The following KIFAP3 variants were observed in gnomAD, a reference collection of about 807,000 sequenced individuals.
KIFAP3 encodes kinesin-associated protein 3.
Under a neutral mutation model 106.5 loss-of-function variants are expected in KIFAP3, and 68 were observed. That is an observed-to-expected ratio of 0.64 (90% confidence interval 0.53 to 0.78). The LOEUF is 0.78. Ranked by LOEUF, KIFAP3 falls within the 30% of genes least tolerant of loss-of-function variation. KIFAP3 has a pLI of 0.00. For missense variants in KIFAP3, 780 were observed against 941.8 expected (o/e 0.83, Z 2.25); for synonymous variants, 320 against 311.5 (o/e 1.03, Z -0.29).
At chr1:169,946,101 T>C (rs1300608987) in intron 19 of KIFAP3, among the ~76,000 whole-genome samples, 2 of 152,208 alleles carry the variant, frequency 1.3e-5, no homozygotes, top group Admixed American at 6.5e-5. Context: ...CAAATGAATT[T>C]TGCATTTTAA....
At chr1:170,008,307 G>T (rs540685407) in intron 10 of KIFAP3, among the ~76,000 whole-genome samples, 6 of 151,678 alleles carry the variant, frequency 4.0e-5, no homozygotes, top group Non-Finnish European at 7.4e-5. Context: ...TACAGCAAAA[G>T]AAACTATCAT....
intron 3 of KIFAP3, chr1:170,041,945 C>T (rs1417735379): frequency 9.1e-7 from 1 of 1,102,464 alleles, no homozygotes; most frequent in Middle Eastern, 3.3e-4. Context: ...AGTTATGAAA[C>T]CTGGTTTTAG....
intron 10 of KIFAP3, among the ~76,000 whole-genome samples, chr1:169,992,987 A>C (rs1667174793): frequency 1.3e-5 from 2 of 152,260 alleles, no homozygotes; most frequent in African/African-American, 4.8e-5. Flanking sequence ...CCTAACTAAA[A>C]ATTTTATCCA....
intron 10 of KIFAP3, among the ~76,000 whole-genome samples, chr1:170,002,436 A>C (rs140123178): frequency 6.6e-5 from 10 of 152,326 alleles, no homozygotes; most frequent in African/African-American, 2.4e-4. Flanking sequence ...TATTCACATA[A>C]AATTGTGAAA....
chr1:169,997,680 G>A (rs1161888183), intron 10 of KIFAP3, among the ~76,000 whole-genome samples: 2 of 151,878 alleles, frequency 1.3e-5, no homozygotes, highest in Non-Finnish European at 2.9e-5. Context: ...AGACCAGCCT[G>A]GCCACCATGA....
At chr1:169,969,767 G>C (rs1459716053) in intron 17 of KIFAP3, among the ~76,000 whole-genome samples, 1 of 151,866 alleles carries the variant, frequency 6.6e-6, no homozygotes, top group African/African-American at 2.4e-5. Context: ...AAATAATCTA[G>C]TGATAGGCCA....
rs529802502 is a variant in KIFAP3, at chr1:169,992,119, G to A, written c.1284+36C>T. On this transcript the variant is annotated intron_variant, in intron 11 of 19. Coordinates refer to ENST00000361580, the MANE Select transcript of KIFAP3 (RefSeq NM_014970.4). ...AAAAGAGTAAAAAATATATATATTT[G>A]TTAAATGTTTTTCATAAAACACTTA... 4.0e-6 allele frequency: 4 copies of A among 996,898 alleles called. No individual in the cohort carries two copies. In the African/African-American group the frequency reaches 6.8e-5, roughly 17 times the overall value. 61.8% of individuals were successfully genotyped at this position (996,898 alleles called of 1,614,324 possible).
In KIFAP3 at chr1:170,080,149, T is replaced by G. The variant is rs922892701; in HGVS notation, n.174+4886A>C. Among the ~76,000 whole-genome samples the G allele has an allele frequency of 5.9e-5, 9 of 151,914 alleles. No homozygotes were observed. In the South Asian group the frequency reaches 1.0e-3, roughly 17 times the overall value. ...GCAATGAAAAATTGAAAAATAAAAT[T>G]TATAAACACCATTGATAATACCACC... On this transcript the variant is annotated intron_variant and non_coding_transcript_variant, in intron 1 of 5. Transcript: ENST00000490550.
At chr1:170,010,856 A>T (rs1668208369) in intron 10 of KIFAP3, among the ~76,000 whole-genome samples, 1 of 152,076 alleles carries the variant, frequency 6.6e-6, no homozygotes, top group Non-Finnish European at 1.5e-5. Flanking sequence ...TTGAAACAGC[A>T]TAAAAATCAC....
At chr1:169,985,878 G>A (rs1030110032) in intron 11 of KIFAP3, among the ~76,000 whole-genome samples, 4 of 151,924 alleles carry the variant, frequency 2.6e-5, no homozygotes, top group Admixed American at 2.6e-4. Flanking sequence ...TTGTCATGGT[G>A]AGAAACAGCT....
At chr1:170,025,425 A>G in intron 8 of KIFAP3, among the ~76,000 whole-genome samples, 1 of 152,038 alleles carries the variant, frequency 6.6e-6, no homozygotes, top group East Asian at 1.9e-4. Flanking sequence ...ATTTCACTTC[A>G]TGTATTCTTG....
chr1:170,059,649 C>T (rs994047926), intron 1 of KIFAP3, among the ~76,000 whole-genome samples: 9 of 152,132 alleles, frequency 5.9e-5, no homozygotes, highest in African/African-American at 4.8e-5. Flanking sequence ...AGAGGGAATC[C>T]TCCCTAACTC....
chr1:170,031,871 C>T lies in KIFAP3; in HGVS notation c.841+15G>A, dbSNP rs759392488. ...AAGTACTTTGTTGCTTTCCTCATTG[C>T]TTAGGAATTCATACCTCGTAATAGC... On this transcript the variant is annotated intron_variant, in intron 8 of 19. Transcript: ENST00000361580. 1.3e-6 allele frequency: 2 copies of T among 1,533,942 alleles called. No individual in the cohort carries two copies. Among genetic ancestry groups the T allele is most frequent in the South Asian group, 2.3e-5 (2 of 88,174 alleles).
intron 13 of KIFAP3, 37 bp from the exon 14 acceptor site, chr1:169,982,904 T>G (rs2101911581): frequency 8.9e-7 from 1 of 1,119,970 alleles, no homozygotes; most frequent in East Asian, 3.2e-5. Context: ...ATTTAAATTA[T>G]TTTTTATTTA....
chr1:170,073,105 C>A (rs977215707), intron 1 of KIFAP3, among the ~76,000 whole-genome samples: 3 of 152,148 alleles, frequency 2.0e-5, no homozygotes, highest in African/African-American at 7.2e-5. Context: ...GGTATAACAG[C>A]GGCTCTTTGT....
intron 9 of KIFAP3, among the ~76,000 whole-genome samples, chr1:170,021,375 C>T (rs1406536584): frequency 1.3e-5 from 2 of 149,326 alleles, no homozygotes; most frequent in Non-Finnish European, 3.0e-5. Context: ...ACAGTGTATG[C>T]ATACACTGGT....
At chr1:170,046,014 C>A (rs2102084098) in intron 3 of KIFAP3, among the ~76,000 whole-genome samples, 1 of 152,064 alleles carries the variant, frequency 6.6e-6, no homozygotes, top group Non-Finnish European at 1.5e-5. Context: ...GGAATGAAAT[C>A]AGCATGAGAA....
intron 19 of KIFAP3, among the ~76,000 whole-genome samples, chr1:169,934,573 G>A (rs113419390): frequency 4.6e-5 from 7 of 152,236 alleles, no homozygotes; most frequent in African/African-American, 1.7e-4. Context: ...TCTTAGAAAA[G>A]TGCACACAGG....
At chr1:169,963,928 T>TG (rs1665469894) in intron 17 of KIFAP3, among the ~76,000 whole-genome samples, 1 of 151,800 alleles carries the variant, frequency 6.6e-6, no homozygotes, top group African/African-American at 2.4e-5. Flanking sequence ...TAAACATTTT[T>TG]ATTCAACTGA....
Sources: allele counts gnomAD v4.1 joint callset (sites outside exome capture counted in the v4.1 genomes callset), GRCh38; gene constraint gnomAD v4.1.1; transcripts MANE v1.5; gene names NCBI Gene and HGNC (gene_info 2026-07-23, HGNC 2026-07-21).